Variants in ADARB2 observed in about 807,000 individuals in gnomAD.
ADARB2 encodes adenosine deaminase RNA specific B2 (inactive), also known as inactive double-stranded RNA-specific editase B2.
A neutral mutation model predicts 62.2 loss-of-function variants in ADARB2; 25 were observed. The ratio of observed to expected loss-of-function variants is 0.40; its 90% CI spans 0.29 to 0.56. The LOEUF (loss-of-function observed/expected upper bound fraction) is 0.56. ADARB2 is among the 20% of genes least tolerant of loss of function. The pLI, the probability that ADARB2 is intolerant of heterozygous loss-of-function variation, is 0.43. For missense variants in ADARB2, 1,071 were observed against 1,077.4 expected (o/e 0.99, Z 0.08); for synonymous variants, 572 against 500.8 (o/e 1.14, Z -1.90).
At chr10:1,231,839 A>G (rs1022509160) in intron 6 of ADARB2, among the ~76,000 whole-genome samples, 31 of 152,128 alleles carry the variant, frequency 2.0e-4, no homozygotes, top group Non-Finnish European at 3.7e-4. Flanking sequence ...AGGAGGAGGA[A>G]TGTTTCTGGG....
chr10:1,602,961 CACACAG>C lies in ADARB2; in HGVS notation c.100+134084_100+134089del, dbSNP rs1410000791. On this transcript the variant is annotated intron_variant, in intron 1 of 9. Transcript: ENST00000381312. Reference sequence around the variant, plus strand: ...ATGCGCACACCTGTACACACATGCACACACAGACACACATCAACACGTGCACACACA... The same window carrying C: ...ATGCGCACACCTGTACACACATGCACACACACATCAACACGTGCACACACA... 7.0e-5 allele frequency among the ~76,000 whole-genome samples: 6 copies of C among 85,230 alleles called. No individual in the cohort carries two copies. The South Asian group carries it at 3.2e-3, about 45-fold the overall frequency. The allele number at this position is 85,230 out of a possible 152,430, so 55.9% of individuals were successfully genotyped here. A position where few individuals can be genotyped will look rare whatever the true frequency, so the allele number is the denominator to read the frequency against.
chr10:1,471,042 GA>G (rs1321987498), intron 1 of ADARB2, among the ~76,000 whole-genome samples: 2 of 152,136 alleles, frequency 1.3e-5, no homozygotes, highest in East Asian at 1.9e-4. Flanking sequence ...CTGGGCAACA[GA>G]GTGAGACTCC....
intron 1 of ADARB2, among the ~76,000 whole-genome samples, chr10:1,448,072 C>A (rs1401143546): frequency 1.3e-5 from 2 of 152,150 alleles, no homozygotes; most frequent in Non-Finnish European, 2.9e-5. Flanking sequence ...TATAGAAAAA[C>A]AGTATTACAA....
intron 1 of ADARB2, among the ~76,000 whole-genome samples, chr10:1,615,084 T>A (rs1358572118): frequency 6.6e-6 from 1 of 152,192 alleles, no homozygotes; most frequent in African/African-American, 2.4e-5. Flanking sequence ...ACAAAGTTAC[T>A]TCTGTCTGAG....
At chr10:1,453,693 C>G (rs1344222130) in intron 1 of ADARB2, among the ~76,000 whole-genome samples, 2 of 152,144 alleles carry the variant, frequency 1.3e-5, no homozygotes, top group Non-Finnish European at 2.9e-5. Context: ...AGGCACAAGA[C>G]TTGAACAGAC....
intron 3 of ADARB2, among the ~76,000 whole-genome samples, chr10:1,294,522 A>G (rs1831507177): frequency 6.6e-6 from 1 of 152,184 alleles, no homozygotes; most frequent in Non-Finnish European, 1.5e-5. Context: ...AGAAGGCAGC[A>G]GCCCCTCGCG....
chr10:1,517,773 A>T lies in ADARB2; in HGVS notation c.101-138613T>A, dbSNP rs566333420. Among the ~76,000 whole-genome samples the T allele has an allele frequency of 2.6e-5, 4 of 152,142 alleles. No individual in the cohort carries two copies. In the East Asian group the frequency reaches 7.8e-4, roughly 30 times the overall value. ...CCTGCCCTGAGAATCACGAGATGGG[A>T]TTTTGTCTTCGGTCGTATGATCAGC... On this transcript the variant is annotated intron_variant, in intron 1 of 9. Coordinates refer to ENST00000381312, the MANE Select transcript of ADARB2 (RefSeq NM_018702.4).
chr10:1,476,057 G>A (rs1299125801), intron 1 of ADARB2, among the ~76,000 whole-genome samples: 1 of 152,222 alleles, frequency 6.6e-6, no homozygotes, highest in Non-Finnish European at 1.5e-5. Flanking sequence ...AATGCATTTT[G>A]AAGGTGGGAA....
chr10:1,273,694 G>A (rs1313746774), intron 3 of ADARB2, among the ~76,000 whole-genome samples: 2 of 152,212 alleles, frequency 1.3e-5, no homozygotes, highest in Non-Finnish European at 2.9e-5. Flanking sequence ...AGCCCCAACA[G>A]GCCTCAGCTA....
chr10:1,234,737 C>A (rs1374822148), intron 5 of ADARB2, among the ~76,000 whole-genome samples: 1 of 53,634 alleles, frequency 1.9e-5, no homozygotes, highest in Non-Finnish European at 3.3e-5. Context: ...CGACCATGAT[C>A]TTTTTTTTTT....
intron 1 of ADARB2, among the ~76,000 whole-genome samples, chr10:1,529,048 C>T (rs957363181): frequency 1.3e-5 from 2 of 152,008 alleles, no homozygotes; most frequent in African/African-American, 4.8e-5. Context: ...AGCAGCACCA[C>T]CCCAACAAAT....
intron 1 of ADARB2, among the ~76,000 whole-genome samples, chr10:1,560,053 G>GT (rs1461661089): frequency 6.6e-6 from 1 of 152,222 alleles, no homozygotes; most frequent in Non-Finnish European, 1.5e-5. Flanking sequence ...AGGTTAAGAT[G>GT]TGAGATTTTC....
intron 6 of ADARB2, among the ~76,000 whole-genome samples, chr10:1,228,112 T>C (rs1211542583): frequency 6.6e-6 from 1 of 152,256 alleles, no homozygotes; most frequent in African/African-American, 2.4e-5. Context: ...GTTAAATCTC[T>C]TCAACTACCT....
chr10:1,651,429 G>A (rs1158249702), intron 1 of ADARB2, among the ~76,000 whole-genome samples: 1 of 152,210 alleles, frequency 6.6e-6, no homozygotes, highest in African/African-American at 2.4e-5. Flanking sequence ...CACCGCAGTG[G>A]GTGATGTGAG....
chr10:1,628,804 C>T (rs11250681), intron 1 of ADARB2, among the ~76,000 whole-genome samples: 55,731 of 152,226 alleles, frequency 0.37, 10,665 homozygotes, highest in East Asian at 0.58. Flanking sequence ...TGAAACCAGT[C>T]CCGCCATTTG....
At chr10:1,262,018 C>A (rs997115916) in intron 4 of ADARB2, among the ~76,000 whole-genome samples, 2 of 147,868 alleles carry the variant, frequency 1.4e-5, no homozygotes, top group Non-Finnish European at 3.0e-5. Flanking sequence ...TGGAAATCAT[C>A]ATTCTCAGTA....
At chr10:1,235,209 A>C (rs1166804204) in intron 5 of ADARB2, among the ~76,000 whole-genome samples, 1 of 145,010 alleles carries the variant, frequency 6.9e-6, no homozygotes, top group Non-Finnish European at 1.5e-5. Context: ...GTGTGTGATT[A>C]AAAGGAGGAA....
intron 1 of ADARB2, among the ~76,000 whole-genome samples, chr10:1,478,376 G>T (rs1831427733): frequency 6.6e-6 from 1 of 152,122 alleles, no homozygotes; most frequent in Non-Finnish European, 1.5e-5. Context: ...TCATGAGAAT[G>T]CCTCTGTCAT....
At chr10:1,378,544 G>A (rs1023549856) in intron 2 of ADARB2, among the ~76,000 whole-genome samples, 3 of 152,202 alleles carry the variant, frequency 2.0e-5, no homozygotes, top group African/African-American at 7.2e-5. Flanking sequence ...TGGGACTGCA[G>A]GTGCGGGTAA....
Sources: allele counts gnomAD v4.1 joint callset (sites outside exome capture counted in the v4.1 genomes callset), GRCh38; gene constraint gnomAD v4.1.1; transcripts MANE v1.5; gene names NCBI Gene and HGNC (gene_info 2026-07-23, HGNC 2026-07-21).